The following HNF4A variants were observed in gnomAD, a reference collection of about 807,000 sequenced individuals.
The protein encoded by HNF4A is hepatocyte nuclear factor 4-alpha.
A neutral mutation model predicts 52.4 loss-of-function variants in HNF4A; 15 were observed. The observed-to-expected ratio is 0.29, with a 90% CI of 0.19 to 0.44. The LOEUF (loss-of-function observed/expected upper bound fraction) is 0.44, where lower values mean the gene tolerates loss of function less well. Ranked by LOEUF, HNF4A falls within the 20% of genes least tolerant of loss-of-function variation. The pLI is 1.00. For missense variants in HNF4A, 479 were observed against 647.2 expected (o/e 0.74, Z 2.82); for synonymous variants, 280 against 264.4 (o/e 1.06, Z -0.57).
intron 3 of HNF4A, among the ~76,000 whole-genome samples, chr20:44,411,232 C>G (rs1354414728): frequency 6.6e-6 from 1 of 152,192 alleles, no homozygotes; most frequent in African/African-American, 2.4e-5. Flanking sequence ...GCCCTGCTCC[C>G]CACAGCCCCC....
chr20:44,367,733 G>A (rs1160165068), intron 1 of HNF4A, among the ~76,000 whole-genome samples: 1 of 151,802 alleles, frequency 6.6e-6, no homozygotes, highest in Non-Finnish European at 1.5e-5. Context: ...GCTCACTTAA[G>A]GTTAGGAGTT....
At chr20:44,429,206 G>A (rs541739735) in intron 9 of HNF4A, among the ~76,000 whole-genome samples, 199 of 152,260 alleles carry the variant, frequency 1.3e-3, no homozygotes, top group African/African-American at 4.6e-3. Context: ...TCCCATTGCC[G>A]CTGGGGACAG....
intron 1 of HNF4A, among the ~76,000 whole-genome samples, chr20:44,376,422 T>C (rs750157572): frequency 1.3e-5 from 2 of 152,196 alleles, no homozygotes; most frequent in African/African-American, 4.8e-5. Flanking sequence ...TTTTTTATAA[T>C]CTCATTTCTC....
At chr20:44,383,119 G>A (rs955261532) in intron 1 of HNF4A, among the ~76,000 whole-genome samples, 3 of 152,130 alleles carry the variant, frequency 2.0e-5, no homozygotes, top group Non-Finnish European at 2.9e-5. Context: ...GCAGTGAGCT[G>A]TGATGGCGCC....
intron 5 of HNF4A, among the ~76,000 whole-genome samples, chr20:44,416,771 A>T (rs781015383): frequency 6.6e-6 from 1 of 152,144 alleles, no homozygotes; most frequent in Non-Finnish European, 1.5e-5. Context: ...TTTTGTGCCA[A>T]ATATCTTCAG....
intron 1 of HNF4A, among the ~76,000 whole-genome samples, chr20:44,372,049 C>T (rs1353901257): frequency 6.6e-6 from 1 of 152,160 alleles, no homozygotes; most frequent in Non-Finnish European, 1.5e-5. Context: ...AACGTGTGAA[C>T]TTTGCTCACA....
At chr20:44,412,311 G>A (rs895686732) in intron 3 of HNF4A, among the ~76,000 whole-genome samples, 2 of 152,156 alleles carry the variant, frequency 1.3e-5, no homozygotes, top group Non-Finnish European at 2.9e-5. Context: ...GCAGGGCCAG[G>A]GTGGGAGTCA....
chr20:44,419,382 G>A lies in HNF4A; in HGVS notation c.737-339G>A, dbSNP rs1427220002. ...TCAGGGGCAGAGCCATTTAAGCAGG[G>A]CAGTGCAGTTCCAGAATCTGGTCCT... On this transcript the variant is annotated intron_variant, in intron 6 of 9. Transcript: ENST00000316099. Among the ~76,000 whole-genome samples, 3 of 152,214 alleles carry A rather than the reference G, an allele frequency of 2.0e-5. No individual in the cohort carries two copies. The East Asian group carries it at 5.8e-4, about 29-fold the overall frequency.
chr20:44,400,686 TG>T (rs1288718922), upstream of HNF4A, among the ~76,000 whole-genome samples: 1 of 151,892 alleles, frequency 6.6e-6, no homozygotes, highest in African/African-American at 2.4e-5. Context: ...AGCGGGGAAT[TG>T]GAGGTGAATC....
At chr20:44,376,664 A>T (rs1568696266) in intron 1 of HNF4A, among the ~76,000 whole-genome samples, 1 of 152,098 alleles carries the variant, frequency 6.6e-6, no homozygotes, top group Non-Finnish European at 1.5e-5. Flanking sequence ...AGTGGTGATC[A>T]TGGTCACCAT....
At chr20:44,398,670 C>T (rs1361652555), upstream of HNF4A, among the ~76,000 whole-genome samples, 1 of 152,132 alleles carries the variant, frequency 6.6e-6, no homozygotes, top group African/African-American at 2.4e-5. Context: ...GGCAGTCATG[C>T]AGATTGTGCA....
rs6031592 is a variant in HNF4A, at chr20:44,419,794, C to T, written c.810C>T (p.Asp270=). Residue 270 remains aspartate, a synonymous_variant, in exon 7 of 10, where the codon GAC becomes GAT. Coordinates refer to ENST00000316099, the MANE Select transcript of HNF4A (RefSeq NM_000457.6). ...GCCGGGTGTCCATACGCATCCTTGA[C>T]GAGCTGGTGCTGCCCTTCCAGGAGC... is the stretch of plus-strand genomic sequence containing the variant. 5.3e-4 allele frequency: 860 copies of T among 1,613,950 alleles called. 4 individuals are homozygous for T. In the African/African-American group the frequency reaches 7.4e-3, roughly 14 times the overall value.
chr20:44,387,639 G>C (rs1328091886), intron 1 of HNF4A, among the ~76,000 whole-genome samples: 4 of 135,436 alleles, frequency 3.0e-5, no homozygotes, highest in South Asian at 2.6e-4. Flanking sequence ...AAGTGAAGGG[G>C]TGGGGTGGAG....
At chr20:44,410,518 CCA>C (rs1286120003) in intron 3 of HNF4A, among the ~76,000 whole-genome samples, 1 of 151,844 alleles carries the variant, frequency 6.6e-6, no homozygotes, top group Non-Finnish European at 1.5e-5. Context: ...TGGGAAGCTC[CCA>C]AAGCCAAAAG....
chr20:44,408,527 C>A (rs2063535036), intron 3 of HNF4A, among the ~76,000 whole-genome samples: 2 of 152,106 alleles, frequency 1.3e-5, no homozygotes, highest in African/African-American at 4.8e-5. Flanking sequence ...GAGTTCGAGA[C>A]CATCCTGACC....
intron 1 of HNF4A, among the ~76,000 whole-genome samples, chr20:44,388,020 T>C (rs1312740127): frequency 6.6e-6 from 1 of 152,098 alleles, no homozygotes; most frequent in African/African-American, 2.4e-5. Flanking sequence ...TTCACAAAGA[T>C]AGTATATGGG....
chr20:44,390,645 G>A (rs921046811), intron 1 of HNF4A: 21 of 702,376 alleles, frequency 3.0e-5, no homozygotes, highest in African/African-American at 3.0e-4. Flanking sequence ...GGAGGATGTC[G>A]GACTGGGGCC....
chr20:44,402,116 CA>C (rs2063417978), intron 1 of HNF4A, among the ~76,000 whole-genome samples: 1 of 151,790 alleles, frequency 6.6e-6, no homozygotes, highest in South Asian at 2.1e-4. Context: ...TTCAGGAACC[CA>C]TTTGCATATG....
chr20:44,428,386 T>A lies in HNF4A; in HGVS notation c.1181T>A (p.Met394Lys). The A allele has an allele frequency of 1.2e-6, 2 of 1,614,162 alleles. No individual in the cohort carries two copies. The highest frequency in any genetic ancestry group is 1.7e-6 in the Non-Finnish European group (2 of 1,180,006). ...CACCACCCCCTGCACCCTCACCTGA[T>A]GCAGGAACATATGGGAACCAACGTC... Residue 394 changes from methionine to lysine, a missense_variant, in exon 9 of 10, where the codon ATG (methionine) becomes AAG (lysine). Physicochemically the swap from Met to Lys is moderately conservative, Grantham distance 95. Transcript: ENST00000316099.
Sources: allele counts gnomAD v4.1 joint callset (sites outside exome capture counted in the v4.1 genomes callset), GRCh38; gene constraint gnomAD v4.1.1; transcripts MANE v1.5; gene names NCBI Gene and HGNC (gene_info 2026-07-23, HGNC 2026-07-21).